Variants in COMMD1 observed in about 807,000 individuals in gnomAD.
COMMD1 encodes the protein COMM domain-containing protein 1.
COMMD1 carries 10 observed loss-of-function variants against 17.2 expected under a neutral mutation model. The observed-to-expected ratio is 0.58, with a 90% CI of 0.36 to 0.99. The LOEUF is 0.99. Among genes scored for constraint, COMMD1 ranks in the 50% least tolerant of loss-of-function variants. The probability of loss-of-function intolerance (pLI) is 0.01; values close to 1 mark genes in which losing one functional copy is unlikely to be tolerated. For missense variants in COMMD1, 270 were observed against 231.8 expected (o/e 1.17, Z -1.07); for synonymous variants, 97 against 91.6 (o/e 1.06, Z -0.34).
intron 2 of COMMD1, among the ~76,000 whole-genome samples, chr2:62,106,470 T>G (rs1672326891): frequency 6.6e-6 from 1 of 152,202 alleles, no homozygotes; most frequent in South Asian, 2.1e-4. Flanking sequence ...CCTGTACCCT[T>G]GCTGTGTGAA....
At chr2:61,975,642 A>G (rs1030505261) in intron 1 of COMMD1, among the ~76,000 whole-genome samples, 38 of 152,226 alleles carry the variant, frequency 2.5e-4, no homozygotes, top group African/African-American at 7.0e-4. Flanking sequence ...TTTAGGTTGT[A>G]TTTTCATTAA....
At chr2:62,088,237 T>G (rs1229469375) in intron 2 of COMMD1, among the ~76,000 whole-genome samples, 1 of 152,206 alleles carries the variant, frequency 6.6e-6, no homozygotes, top group East Asian at 1.9e-4. Flanking sequence ...CTCTGGACTT[T>G]CACTTGAAAA....
chr2:61,891,019 T>A (rs965938360), intron 1 of COMMD1, among the ~76,000 whole-genome samples: 1 of 152,170 alleles, frequency 6.6e-6, no homozygotes, highest in African/African-American at 2.4e-5. Flanking sequence ...AATTTTGGGA[T>A]GTAAAATACT....
At chr2:62,056,958 G>A (rs1001408270) in intron 2 of COMMD1, among the ~76,000 whole-genome samples, 6 of 152,150 alleles carry the variant, frequency 3.9e-5, no homozygotes, top group African/African-American at 1.2e-4. Flanking sequence ...AAAGCCTTCC[G>A]TTTCCAACAT....
chr2:61,953,622 G>A (rs1431410873), intron 1 of COMMD1, among the ~76,000 whole-genome samples: 2 of 151,598 alleles, frequency 1.3e-5, no homozygotes, highest in African/African-American at 2.4e-5. Context: ...TGCCCACCTC[G>A]GCTTCCCAAA....
chr2:62,100,682 T>A (rs923522772), intron 2 of COMMD1, among the ~76,000 whole-genome samples: 1 of 152,166 alleles, frequency 6.6e-6, no homozygotes, highest in Non-Finnish European at 1.5e-5. Context: ...CAGGTTAAGG[T>A]AAAAGATTGT....
intron 1 of COMMD1, among the ~76,000 whole-genome samples, chr2:61,971,188 C>A (rs1671641923): frequency 6.6e-6 from 1 of 152,240 alleles, no homozygotes; most frequent in Non-Finnish European, 1.5e-5. Context: ...AACAATTTTA[C>A]TTCTGCGCAG....
intron 2 of COMMD1, among the ~76,000 whole-genome samples, chr2:62,014,011 A>T (rs1210636027): frequency 1.3e-5 from 2 of 152,236 alleles, no homozygotes. Context: ...ACTTTAAAAG[A>T]AAATCATTGT....
chr2:62,051,640 T>C (rs1248496131), intron 2 of COMMD1, among the ~76,000 whole-genome samples: 4 of 152,190 alleles, frequency 2.6e-5, no homozygotes, highest in African/African-American at 7.2e-5. Context: ...GCTGAGTGAT[T>C]GTTTTCTGGA....
intron 2 of COMMD1, among the ~76,000 whole-genome samples, chr2:62,026,027 AG>A (rs2103865291): frequency 6.6e-6 from 1 of 152,182 alleles, no homozygotes; most frequent in South Asian, 2.1e-4. Flanking sequence ...CTTTGCACTT[AG>A]GGAAACGGGC....
chr2:62,008,791 T>TTAC (rs1669196494), intron 2 of COMMD1, among the ~76,000 whole-genome samples: 1 of 151,370 alleles, frequency 6.6e-6, no homozygotes, highest in Non-Finnish European at 1.5e-5. Context: ...TGTTTATTTA[T>TTAC]TTACTTACTT....
intron 2 of COMMD1, chr2:62,100,446 C>T (rs1190661150): frequency 3.3e-5 from 5 of 152,148 alleles, no homozygotes; most frequent in African/African-American, 1.2e-4. Flanking sequence ...GTGATCAGGG[C>T]ACAGCTTGGT....
chr2:61,888,417 C>T, upstream of COMMD1: 1 of 1,613,118 alleles, frequency 6.2e-7, no homozygotes, highest in Non-Finnish European at 8.5e-7. Flanking sequence ...CGGATCTGGG[C>T]TGGCTTGTCG....
At chr2:61,999,154 A>G (rs908706583) in intron 1 of COMMD1, among the ~76,000 whole-genome samples, 1 of 152,262 alleles carries the variant, frequency 6.6e-6, no homozygotes, top group Admixed American at 6.5e-5. Flanking sequence ...GTATCTGTGA[A>G]TTATAATAAA....
intron 1 of COMMD1, among the ~76,000 whole-genome samples, chr2:61,920,267 AT>A (rs569286216): frequency 2.6e-5 from 4 of 151,526 alleles, no homozygotes; most frequent in Admixed American, 2.6e-4. Context: ...TTGAGCAGTA[AT>A]TTTTTTTTAC....
Position 61,973,980 on chromosome 2 carries a change from T to C in COMMD1, c.181-26721T>C, listed in dbSNP as rs1436754379. Among the ~76,000 whole-genome samples, 4 of 152,214 alleles carry C rather than the reference T, an allele frequency of 2.6e-5. No individual in the cohort carries two copies. In the South Asian group the frequency reaches 8.3e-4, roughly 32 times the overall value. The stretch of plus-strand genomic sequence containing the variant: ...TCTTCTGATTTCTGTTCTCATAGAT[T>C]AGTTTCACTTGCTCTAGAACATCAT... On this transcript the variant is annotated intron_variant, in intron 1 of 2. Coordinates refer to ENST00000311832, the MANE Select transcript of COMMD1 (RefSeq NM_152516.4).
In COMMD1 at chr2:62,001,146, C is replaced by T. The variant is rs1668929002; in HGVS notation, c.462+164C>T. 3 of 709,178 alleles carry T rather than the reference C, an allele frequency of 4.2e-6. No homozygotes were observed. In the East Asian group the frequency reaches 8.4e-5, roughly 20 times the overall value. The allele number at this position is 709,178 out of a possible 1,614,324, so 43.9% of individuals were successfully genotyped here. A position where few individuals can be genotyped will look rare whatever the true frequency, so the allele number is the denominator to read the frequency against. On this transcript the variant is annotated intron_variant, in intron 2 of 2. Coordinates refer to ENST00000311832, the MANE Select transcript of COMMD1 (RefSeq NM_152516.4). ...TCATCTGAAAATTTGGATACTCTCA[C>T]TTGTGGACAGAGTCTGGAAACTAGC...
At chr2:62,115,849 TTTCTTTCTTTC>T (rs1412856582) in intron 2 of COMMD1, among the ~76,000 whole-genome samples, 19 of 116,020 alleles carry the variant, frequency 1.6e-4, no homozygotes, top group South Asian at 1.2e-3. Context: ...TCTTTCTTTC[TTTCTTTCTTTC>T]TTTTTTTTTT....
In COMMD1 at chr2:62,071,627, G is replaced by C. The variant is rs557120331; in HGVS notation, c.463-64204G>C. ...TTAAACTACTGTGTTCCATTCACTGGAAGAAAACTTTTTAAAAAAGAAAAA... is the reference window on the plus strand; with the variant it reads ...TTAAACTACTGTGTTCCATTCACTGCAAGAAAACTTTTTAAAAAAGAAAAA... On this transcript the variant is annotated intron_variant, in intron 2 of 2. Coordinates refer to ENST00000311832, the MANE Select transcript of COMMD1 (RefSeq NM_152516.4). 2.6e-5 allele frequency among the ~76,000 whole-genome samples: 4 copies of C among 152,060 alleles called. No individual in the cohort carries two copies. In the East Asian group the frequency reaches 7.7e-4, roughly 29 times the overall value.
Sources: gnomAD v4.1 joint callset for allele counts (sites outside exome capture counted in the v4.1 genomes callset) on GRCh38, gnomAD v4.1.1 for gene constraint, MANE v1.5 for transcripts, NCBI Gene and HGNC (gene_info 2026-07-23, HGNC 2026-07-21) for gene names.